Variants in PBX3 observed in about 807,000 individuals in gnomAD.
PBX3 encodes pre-B-cell leukemia transcription factor 3.
Under a neutral mutation model 48.5 loss-of-function variants are expected in PBX3, and 14 were observed. The ratio of observed to expected loss-of-function variants is 0.29; its 90% CI spans 0.19 to 0.45. PBX3 has a LOEUF of 0.45. Among genes scored for constraint, PBX3 ranks in the 20% least tolerant of loss-of-function variants. The probability of loss-of-function intolerance (pLI) is 1.00; values close to 1 mark genes in which losing one functional copy is unlikely to be tolerated. For synonymous variants in PBX3, 210 were observed against 200.3 expected (o/e 1.05, Z -0.41); for missense variants, 386 against 546.7 (o/e 0.71, Z 2.93).
intron 2 of PBX3, among the ~76,000 whole-genome samples, chr9:125,751,220 A>G (rs1283516692): frequency 6.6e-6 from 1 of 152,218 alleles, no homozygotes; most frequent in Non-Finnish European, 1.5e-5. Flanking sequence ...TGATGACTCT[A>G]TTCTGCTTAA....
At chr9:125,808,984 T>C (rs1838208505) in intron 2 of PBX3, among the ~76,000 whole-genome samples, 1 of 152,072 alleles carries the variant, frequency 6.6e-6, no homozygotes, top group East Asian at 1.9e-4. Flanking sequence ...TTACCGCTGT[T>C]CTTGAGTGCC....
In PBX3 at chr9:125,881,722, G is replaced by A. The variant is rs569365324; in HGVS notation, c.275-33964G>A. Among the ~76,000 whole-genome samples, 7 of 152,190 alleles carry A rather than the reference G, an allele frequency of 4.6e-5. No homozygotes were observed. In the South Asian group the frequency reaches 1.5e-3, roughly 32 times the overall value. On this transcript the variant is annotated intron_variant, in intron 2 of 8. Coordinates refer to ENST00000373489, the MANE Select transcript of PBX3 (RefSeq NM_006195.6). ...TGCATCTTGGAACTCCAGGCCTCAA[G>A]TGATGCTCCTGTCTTGGCCTCCCAA...
chr9:125,783,913 A>C (rs1837391277), intron 2 of PBX3, among the ~76,000 whole-genome samples: 1 of 151,998 alleles, frequency 6.6e-6, no homozygotes, highest in Admixed American at 6.5e-5. Context: ...AGGTGGGAGG[A>C]TCACTTGAAC....
chr9:125,804,774 C>A (rs1261499644), intron 2 of PBX3, among the ~76,000 whole-genome samples: 1 of 151,814 alleles, frequency 6.6e-6, no homozygotes. Flanking sequence ...GGTGAAACCC[C>A]ATCTTTACTA....
At chr9:125,897,141 G>GTT (rs371641194) in intron 2 of PBX3, among the ~76,000 whole-genome samples, 11,383 of 108,534 alleles carry the variant, frequency 0.1, 1,029 homozygotes, top group African/African-American at 0.23. Flanking sequence ...TTCATTTGTG[G>GTT]TTTTTTTTTT....
At chr9:125,936,975 AC>A (rs1841849976) in intron 5 of PBX3, among the ~76,000 whole-genome samples, 1 of 152,190 alleles carries the variant, frequency 6.6e-6, no homozygotes, top group South Asian at 2.1e-4. Context: ...TTTTCCCTGA[AC>A]ATTAGTGAAA....
intron 4 of PBX3, among the ~76,000 whole-genome samples, chr9:125,932,389 T>C (rs1172568972): frequency 6.6e-6 from 1 of 152,232 alleles, no homozygotes; most frequent in Non-Finnish European, 1.5e-5. Flanking sequence ...CTTGTAGTTT[T>C]TCATGAACAT....
At chr9:125,886,571 T>C (rs1588260221) in intron 2 of PBX3, among the ~76,000 whole-genome samples, 1 of 152,044 alleles carries the variant, frequency 6.6e-6, no homozygotes, top group East Asian at 1.9e-4. Context: ...TTACTGGGAG[T>C]GTAATTTACT....
chr9:125,798,562 A>G (rs758280633), intron 2 of PBX3, among the ~76,000 whole-genome samples: 2 of 152,190 alleles, frequency 1.3e-5, no homozygotes, highest in Non-Finnish European at 2.9e-5. Flanking sequence ...TCAACAAATG[A>G]TTACTGAATA....
intron 2 of PBX3, among the ~76,000 whole-genome samples, chr9:125,779,736 G>A (rs1287249539): frequency 4.8e-5 from 7 of 145,810 alleles, no homozygotes; most frequent in Non-Finnish European, 8.9e-5. Flanking sequence ...CCACAAAACC[G>A]CCATTGTCAT....
intron 3 of PBX3, among the ~76,000 whole-genome samples, chr9:125,926,188 G>A (rs1211836116): frequency 6.6e-6 from 1 of 152,168 alleles, no homozygotes; most frequent in Admixed American, 6.5e-5. Context: ...TATTGGTAGG[G>A]TGACCACTTG....
Position 125,882,733 on chromosome 9 carries a change from A to G in PBX3, c.275-32953A>G, listed in dbSNP as rs560422424. 5.3e-5 allele frequency among the ~76,000 whole-genome samples: 8 copies of G among 152,354 alleles called. No individual in the cohort carries two copies. The East Asian group carries it at 5.8e-4, about 11-fold the overall frequency. ...TGAGTTTCTTCATTTTGGATAGCCAATGGCTCTGTAAGCCTAGTTGGTATT... is the reference window on the plus strand; with the variant it reads ...TGAGTTTCTTCATTTTGGATAGCCAGTGGCTCTGTAAGCCTAGTTGGTATT... On this transcript the variant is annotated intron_variant, in intron 2 of 8. Transcript: ENST00000373489.
chr9:125,957,220 A>G (rs926190142), intron 5 of PBX3, among the ~76,000 whole-genome samples: 1 of 152,218 alleles, frequency 6.6e-6, no homozygotes, highest in Non-Finnish European at 1.5e-5. Flanking sequence ...AACATAACGA[A>G]TGATCACTGC....
chr9:125,809,075 C>G (rs915612092), intron 2 of PBX3, among the ~76,000 whole-genome samples: 2 of 152,110 alleles, frequency 1.3e-5, no homozygotes, highest in Admixed American at 1.3e-4. Context: ...ACAAAAAGCA[C>G]AAAATTACAA....
At chr9:125,962,948 C>T in intron 7 of PBX3, 64 bp from the exon 8 acceptor site, 1 of 835,736 alleles carries the variant, frequency 1.2e-6, no homozygotes, top group Non-Finnish European at 1.9e-6. Flanking sequence ...AAATTATTTC[C>T]TTTTGTAAGT....
At chr9:125,946,400 A>C (rs886363156) in intron 5 of PBX3, among the ~76,000 whole-genome samples, 1 of 152,210 alleles carries the variant, frequency 6.6e-6, no homozygotes, top group Non-Finnish European at 1.5e-5. Flanking sequence ...AACCAGCAGA[A>C]ACAACAGACA....
chr9:125,883,804 C>G (rs144382269), intron 2 of PBX3, among the ~76,000 whole-genome samples: 2 of 152,152 alleles, frequency 1.3e-5, no homozygotes, highest in African/African-American at 4.8e-5. Context: ...ATTTATAGTA[C>G]TAATAAAACC....
Position 125,963,081 on chromosome 9 carries a change from T to C in PBX3, c.1192T>C (p.Tyr398His). Reference sequence around the variant, plus strand: ...TGATGGCCTTGGAGGAAATTCACTGTACAGTCCACATAATTTAAATGTGAG... The same window carrying C: ...TGATGGCCTTGGAGGAAATTCACTGCACAGTCCACATAATTTAAATGTGAG... ...YSDGLGGNSL[Y>H]SPHNLNANGG... Residue 398 changes from tyrosine (Y) to histidine (H), a missense_variant, in exon 8 of 9, where the codon TAC becomes CAC. This residue lies in a region of PBX3 where 127 missense variants were observed against 143.3 expected (regional missense o/e 0.89). Transcript: ENST00000373489. 1 of 1,601,532 alleles carries C rather than the reference T, an allele frequency of 6.2e-7. No homozygotes were observed. The highest frequency in any genetic ancestry group is 2.2e-5 in the East Asian group (1 of 44,710).
At chr9:125,795,068 T>C (rs548364025) in intron 2 of PBX3, among the ~76,000 whole-genome samples, 24 of 152,378 alleles carry the variant, frequency 1.6e-4, no homozygotes, top group African/African-American at 5.3e-4. Flanking sequence ...AATGAAGCCT[T>C]GTAATACTAC....
Sources: gnomAD v4.1 joint callset for allele counts (sites outside exome capture counted in the v4.1 genomes callset) on GRCh38, gnomAD v4.1.1 for gene constraint, gnomAD v4.1.1 regional missense constraint, MANE v1.5 for transcripts, NCBI Gene and HGNC (gene_info 2026-07-23, HGNC 2026-07-21) for gene names.